Variants in BRDT observed in about 807,000 individuals in gnomAD.
BRDT encodes bromodomain testis-specific protein.
Under a neutral mutation model 113.9 loss-of-function variants are expected in BRDT, and 77 were observed. The ratio of observed to expected loss-of-function variants is 0.68; its 90% CI spans 0.56 to 0.82. The LOEUF is 0.82. Ranked by LOEUF, BRDT falls within the 40% of genes least tolerant of loss-of-function variation. BRDT has a pLI of 0.00. For missense variants in BRDT, 1,027 were observed against 1,105.4 expected (o/e 0.93, Z 1.01); for synonymous variants, 358 against 366.5 (o/e 0.98, Z 0.26).
chr1:91,994,380 A>G (rs555395807), intron 15 of BRDT, 126 bp downstream of exon 15: 3 of 784,054 alleles, frequency 3.8e-6, no homozygotes, highest in African/African-American at 3.6e-5. Flanking sequence ...TAACTAGTAA[A>G]TTCCAGGTTA....
chr1:91,964,845 C>T, intron 3 of BRDT, 81 bp downstream of exon 3: 1 of 1,037,894 alleles, frequency 9.6e-7, no homozygotes, highest in Non-Finnish European at 1.3e-6. Flanking sequence ...GTGATCATTT[C>T]AGATTTCAAT....
chr1:91,973,394 T>C (rs1012796025), intron 4 of BRDT, among the ~76,000 whole-genome samples: 13 of 152,280 alleles, frequency 8.5e-5, no homozygotes, highest in Admixed American at 5.2e-4. Flanking sequence ...TTTCACGATA[T>C]TGATTCTTCC....
At chr1:91,977,010 A>AT (rs781335800) in intron 5 of BRDT, 33 bp from the exon 6 acceptor site, 1 of 1,484,994 alleles carries the variant, frequency 6.7e-7, no homozygotes, top group Non-Finnish European at 9.1e-7. Context: ...ATCATCTCAA[A>AT]TATATTTTTG....
intron 13 of BRDT, 82 bp downstream of exon 13, chr1:91,991,327 T>C (rs1570586984): frequency 7.2e-6 from 5 of 699,014 alleles, no homozygotes; most frequent in Middle Eastern, 3.6e-4. Flanking sequence ...TTAAAATTGT[T>C]TTCAATTTTA....
intron 4 of BRDT, among the ~76,000 whole-genome samples, chr1:91,974,995 A>C (rs1683990510): frequency 6.6e-6 from 1 of 152,210 alleles, no homozygotes; most frequent in Non-Finnish European, 1.5e-5. Context: ...ACATGGATGA[A>C]GCTGGAAACC....
chr1:91,974,272 G>A (rs1315844871), intron 4 of BRDT, among the ~76,000 whole-genome samples: 3 of 152,110 alleles, frequency 2.0e-5, no homozygotes, highest in African/African-American at 7.2e-5. Context: ...AACAAAAGCC[G>A]AAATAGACAA....
chr1:91,990,281 G>T (rs746758338), intron 12 of BRDT, among the ~76,000 whole-genome samples: 6 of 152,194 alleles, frequency 3.9e-5, no homozygotes, highest in Non-Finnish European at 7.3e-5. Flanking sequence ...TTGCTGTATA[G>T]CTGAGGCTGC....
chr1:91,968,250 A>G lies in BRDT; in HGVS notation c.435A>G (p.Arg145=). 6.2e-7 allele frequency: 1 copy of G among 1,614,072 alleles called. No individual in the cohort carries two copies. Among genetic ancestry groups the G allele is most frequent in the Non-Finnish European group, 8.5e-7 (1 of 1,179,974 alleles). The change falls in exon 4 of 19, where the codon AGA becomes AGG. Residue 145 remains arginine (R), a synonymous_variant. Coordinates refer to ENST00000399546, the MANE Select transcript of BRDT (RefSeq NM_207189.4). ...AGCAAGTTGTGGGTGTTAAGGAAAGAATCAAGAAAGGTAAGGCAGGAGGTA... is the reference window on the plus strand; with the variant it reads ...AGCAAGTTGTGGGTGTTAAGGAAAGGATCAAGAAAGGTAAGGCAGGAGGTA... The part of the protein sequence containing the change: ...QEEQVVGVKE[R]IKKGTQQNIA...
At chr1:91,979,302 G>A (rs1219702344) in intron 7 of BRDT, among the ~76,000 whole-genome samples, 2 of 151,750 alleles carry the variant, frequency 1.3e-5, no homozygotes, top group East Asian at 3.9e-4. Context: ...TAGCAGAGAC[G>A]GGGTTTCTCC....
In BRDT at chr1:91,962,949, A is replaced by G. The variant is rs1682646394; in HGVS notation, c.192+3A>G. The G allele has an allele frequency of 6.4e-7, 1 of 1,566,808 alleles. No homozygotes were observed. The highest frequency in any genetic ancestry group is 8.6e-7 in the Non-Finnish European group (1 of 1,160,756). ...ATGCTGTGAAACTACAGTTGCCTGT[A>G]TGTATGTCTTCAACTATGTTAGTTT... On this transcript the variant is annotated splice_donor_region_variant and intron_variant, in intron 2 of 18. Transcript: ENST00000399546.
chr1:91,982,904 C>T (rs1158720635), intron 12 of BRDT, among the ~76,000 whole-genome samples: 1 of 152,096 alleles, frequency 6.6e-6, no homozygotes, highest in Non-Finnish European at 1.5e-5. Flanking sequence ...ACTTAAGTTG[C>T]ATTTAGTATT....
At chr1:91,970,978 G>A (rs550615793) in intron 4 of BRDT, among the ~76,000 whole-genome samples, 2 of 151,848 alleles carry the variant, frequency 1.3e-5, no homozygotes, top group South Asian at 4.2e-4. Flanking sequence ...AAGAAAAGAG[G>A]TTTATTTGGC....
intron 15 of BRDT, among the ~76,000 whole-genome samples, chr1:92,000,867 A>G (rs145849031): frequency 2.7e-3 from 406 of 152,336 alleles, no homozygotes; most frequent in African/African-American, 9.5e-3. Context: ...AAGATAGGTC[A>G]ATCTTTTAGT....
In BRDT at chr1:91,976,267, C is replaced by T; in HGVS notation, c.447C>T (p.Gly149=). Reference sequence around the variant, plus strand: ...TGATTCTGGCTCATACTTTTCCAGGCACTCAACAGAATATAGCTGTTTCTT... The same window carrying T: ...TGATTCTGGCTCATACTTTTCCAGGTACTCAACAGAATATAGCTGTTTCTT... ...VVGVKERIKK[G]TQQNIAVSSA... Residue 149 remains glycine, a splice_region_variant and synonymous_variant, in exon 5 of 19, where the codon GGC becomes GGT. Transcript: ENST00000399546. 1 of 1,587,594 alleles carries T rather than the reference C, an allele frequency of 6.3e-7. No individual in the cohort carries two copies. The highest frequency in any genetic ancestry group is 8.5e-7 in the Non-Finnish European group (1 of 1,170,488).
chr1:91,985,928 G>A (rs1267907884), intron 12 of BRDT, among the ~76,000 whole-genome samples: 1 of 152,192 alleles, frequency 6.6e-6, no homozygotes, highest in African/African-American at 2.4e-5. Flanking sequence ...GTGAGCCACC[G>A]CGCCCGGCCC....
chr1:91,960,684 G>A (rs981062642), intron 1 of BRDT, among the ~76,000 whole-genome samples: 2 of 152,268 alleles, frequency 1.3e-5, no homozygotes, highest in South Asian at 2.1e-4. Flanking sequence ...GTAAATTTTG[G>A]TATGTTTTAC....
chr1:91,977,787 T>A (rs1684300808), intron 6 of BRDT, among the ~76,000 whole-genome samples: 1 of 151,930 alleles, frequency 6.6e-6, no homozygotes, highest in East Asian at 1.9e-4. Flanking sequence ...GAGAATCACT[T>A]GAACCTGGGA....
chr1:91,965,364 G>A (rs376050879), intron 3 of BRDT, among the ~76,000 whole-genome samples: 1 of 152,074 alleles, frequency 6.6e-6, no homozygotes, highest in Non-Finnish European at 1.5e-5. Flanking sequence ...AAATACCAAT[G>A]AGAGCTGGTT....
intron 1 of BRDT, among the ~76,000 whole-genome samples, chr1:91,952,858 G>A (rs553679651): frequency 6.6e-6 from 1 of 150,612 alleles, no homozygotes; most frequent in Admixed American, 6.6e-5. Context: ...CCTGGGAAAA[G>A]AGTTCTAGAT....
Sources: allele counts gnomAD v4.1 joint callset (sites outside exome capture counted in the v4.1 genomes callset), GRCh38; gene constraint gnomAD v4.1.1; transcripts MANE v1.5; gene names NCBI Gene and HGNC (gene_info 2026-07-23, HGNC 2026-07-21).